Variants in PALB2 observed in about 807,000 individuals in gnomAD.
PALB2 encodes partner and localizer of BRCA2.
A neutral mutation model predicts 107.4 loss-of-function variants in PALB2; 82 were observed. The ratio of observed to expected loss-of-function variants is 0.76; its 90% CI spans 0.64 to 0.92. The LOEUF is 0.92. Among genes scored for constraint, PALB2 ranks in the 40% least tolerant of loss-of-function variants. The pLI is 0.00. For synonymous variants in PALB2, 489 were observed against 496.8 expected (o/e 0.98, Z 0.21); for missense variants, 1,374 against 1,379.9 (o/e 1.00, Z 0.07).
intron 3 of PALB2, among the ~76,000 whole-genome samples, chr16:23,636,597 T>C (rs563572528): frequency 1.4e-4 from 22 of 152,162 alleles, no homozygotes; most frequent in Non-Finnish European, 2.9e-4. Flanking sequence ...AAAGGAACTG[T>C]ACATACTCCA....
Position 23,607,994 on chromosome 16 carries a change from G to C in PALB2, c.3220C>G (p.Leu1074Val), listed in dbSNP as rs1057523330. The change falls in exon 12 of 13, where the codon CTG becomes GTG. Residue 1074 changes from leucine to valine, a missense_variant. Transcript: ENST00000261584. Reference sequence around the variant, plus strand: ...CTCTCTTTGGCACAGGGATGACTCAGGACAATAAAGAGAAGCCCCTAATTT... The same window carrying C: ...CTCTCTTTGGCACAGGGATGACTCACGACAATAAAGAGAAGCCCCTAATTT... ...YSEMGLLFIV[L>V]SHPCAKESES... 6.2e-7 allele frequency: 1 copy of C among 1,613,858 alleles called. No individual in the cohort carries two copies. The highest frequency in any genetic ancestry group is 8.5e-7 in the Non-Finnish European group (1 of 1,179,878).
rs1555461797 is a variant in PALB2 at position 23,636,114 on chromosome 16, T to C, written c.432A>G (p.Pro144=). 1.9e-6 allele frequency: 3 copies of C among 1,613,726 alleles called. No individual in the cohort carries two copies. Among genetic ancestry groups the C allele is most frequent in the Non-Finnish European group, 2.5e-6 (3 of 1,179,898 alleles). ...TCTTCTGCTGCTTCTTTCTTCTGCT[T>C]GGCAGCTTCTGCTTTTGCTCACCAC... The part of the protein sequence containing the change: ...DPSGEQKQKL[P]SRRKKQQKRT... Residue 144 remains proline (P), a synonymous_variant, in exon 4 of 13, where the codon CCA becomes CCG. Transcript: ENST00000261584.
At chr16:23,630,948 C>CAATA (rs757329922) in intron 4 of PALB2, among the ~76,000 whole-genome samples, 3 of 150,230 alleles carry the variant, frequency 2.0e-5, no homozygotes, top group Non-Finnish European at 4.4e-5. Flanking sequence ...TCTTTAAAAA[C>CAATA]AATAAATAAA....
rs1251150895 is a variant in PALB2, at chr16:23,636,187, C to T, written c.359G>A (p.Arg120Lys). The change falls in exon 4 of 13, where the codon AGA (arginine) becomes AAA (lysine). Residue 120 changes from arginine to lysine, a missense_variant. Coordinates refer to ENST00000261584, the MANE Select transcript of PALB2 (RefSeq NM_024675.4). The part of the protein sequence containing the change: ...GDGPGGLPIQ[R>K]TDDTQEHFPH... ...AAAATGTTCTTGGGTGTCATCTGTT[C>T]TTTGTATAGGTAATCCTCCTGGGCC... The T allele has an allele frequency of 6.2e-7, 1 of 1,612,932 alleles. No individual in the cohort carries two copies. The highest frequency in any genetic ancestry group is 8.5e-7 in the Non-Finnish European group (1 of 1,179,802).
intron 4 of PALB2, among the ~76,000 whole-genome samples, chr16:23,631,109 C>CA (rs58841030): frequency 0.045 from 2,650 of 58,434 alleles, 42 homozygotes; most frequent in Non-Finnish European, 0.064. Context: ...ACTAAAAATA[C>CA]AAAAAAAAAA....
At chr16:23,620,905 T>G (rs1393249774) in intron 10 of PALB2, among the ~76,000 whole-genome samples, 2 of 152,124 alleles carry the variant, frequency 1.3e-5, no homozygotes, top group African/African-American at 4.8e-5. Context: ...AAATCCCTTC[T>G]CTACTAAAAA....
chr16:23,622,827 A>AT, intron 9 of PALB2, 142 bp downstream of exon 9: 1 of 924,952 alleles, frequency 1.1e-6, no homozygotes, highest in South Asian at 1.4e-5. Context: ...CTTCTATGTC[A>AT]TAACCTAGTG....
chr16:23,638,387 C>T (rs1257200018), intron 1 of PALB2: 2 of 545,190 alleles, frequency 3.7e-6, no homozygotes, highest in Non-Finnish European at 3.3e-6. Context: ...TTTTTATTTC[C>T]CTGGGATAGA....
rs1967212969 is a variant in PALB2, at chr16:23,640,807, G to A, written c.48+303C>T. The A allele has an allele frequency of 8.5e-6, 3 of 351,218 alleles. No individual in the cohort carries two copies. The Admixed American group carries it at 1.3e-4, about 16-fold the overall frequency. 21.8% of individuals were successfully genotyped at this position (351,218 alleles called of 1,614,324 possible). ...AAGATTTACTTGAGGCCGTCCGGGG[G>A]GAGAAGTAAAGATTGAGGGTGTGGG... is the stretch of plus-strand genomic sequence containing the variant. On this transcript the variant is annotated intron_variant, in intron 1 of 12. Coordinates refer to ENST00000261584, the MANE Select transcript of PALB2 (RefSeq NM_024675.4).
intron 7 of PALB2, among the ~76,000 whole-genome samples, chr16:23,625,646 A>G (rs191391753): frequency 1.3e-5 from 2 of 151,808 alleles, no homozygotes; most frequent in African/African-American, 4.8e-5. Context: ...AATACAAAAA[A>G]ATTAGCCAGG....
chr16:23,605,142 C>A (rs117016437), intron 12 of PALB2, among the ~76,000 whole-genome samples: 3,863 of 152,234 alleles, frequency 0.025, 71 homozygotes, highest in Middle Eastern at 0.088. Context: ...GCCAGCTCTC[C>A]AAAGAGTATT....
At position 23,625,369 on chromosome 16, in the gene PALB2, A is replaced by T. The variant is rs1363962701; in HGVS notation, c.2748+867T>A. On this transcript the variant is annotated intron_variant, in intron 7 of 12. Coordinates refer to ENST00000261584, the MANE Select transcript of PALB2 (RefSeq NM_024675.4). ...AAACAAACAAAAAACCCATATCTAGATAAACCTGTGATGGGCTGGGCATGG... is the reference window on the plus strand; with the variant it reads ...AAACAAACAAAAAACCCATATCTAGTTAAACCTGTGATGGGCTGGGCATGG... Among the ~76,000 whole-genome samples the T allele has an allele frequency of 2.6e-5, 4 of 151,818 alleles. No homozygotes were observed. In the East Asian group the frequency reaches 5.8e-4, roughly 22 times the overall value.
chr16:23,641,281 T>C lies in PALB2; in HGVS notation c.-124A>G. The C allele has an allele frequency of 7.7e-7, 1 of 1,293,572 alleles. No individual in the cohort carries two copies. Among genetic ancestry groups the C allele is most frequent in the Non-Finnish European group, 1.1e-6 (1 of 922,234 alleles). 80.1% of individuals were successfully genotyped at this position (1,293,572 alleles called of 1,614,324 possible). A position where few individuals can be genotyped will look rare whatever the true frequency, so the allele number is the denominator to read the frequency against. On this transcript the variant is annotated 5_prime_UTR_variant, in exon 1 of 13. Transcript: ENST00000261584. Reference sequence around the variant, plus strand: ...GAATGGGGAGCCCGGGATCGCACCCTCAGTGCGCGATCAGCTGACCCACGC... The same window carrying C: ...GAATGGGGAGCCCGGGATCGCACCCCCAGTGCGCGATCAGCTGACCCACGC...
At chr16:23,613,811 A>G (rs532298005) in intron 11 of PALB2, among the ~76,000 whole-genome samples, 193 bp downstream of exon 11, 1 of 152,336 alleles carries the variant, frequency 6.6e-6, no homozygotes, top group Non-Finnish European at 1.5e-5. Flanking sequence ...TCCTACAGCC[A>G]GAAAATTTAC....
intron 10 of PALB2, among the ~76,000 whole-genome samples, 175 bp downstream of exon 10, chr16:23,621,187 G>T (rs927625246): frequency 1.3e-5 from 2 of 152,202 alleles, no homozygotes; most frequent in Non-Finnish European, 2.9e-5. Flanking sequence ...TCCCACCTGG[G>T]TGATAGGAGG....
intron 3 of PALB2, among the ~76,000 whole-genome samples, chr16:23,637,640 G>A: frequency 6.6e-6 from 1 of 152,196 alleles, no homozygotes; most frequent in East Asian, 1.9e-4. Flanking sequence ...GGGAGTTGGA[G>A]GTTGTAGTGA....
In PALB2 at chr16:23,603,659, C is replaced by T. The variant is rs1597062387; in HGVS notation, c.3361G>A (p.Gly1121Ser). The stretch of plus-strand genomic sequence containing the variant: ...GCTGCACAGTGATCTTTCACGTCAC[C>T]TTCCAGGAACCTGATAGCATACAAA... ...PPGQAGRFLEGDVKDHCAAAI... is the reference protein window; with the variant it reads ...PPGQAGRFLESDVKDHCAAAI... Residue 1121 changes from glycine (G) to serine (S), a missense_variant, in exon 13 of 13, where the codon GGT (glycine) becomes AGT (serine). Physicochemically the swap from Gly to Ser is moderately conservative, Grantham distance 56 (BLOSUM62 0). Transcript: ENST00000261584. 6.2e-7 allele frequency: 1 copy of T among 1,613,762 alleles called. No homozygotes were observed. The highest frequency in any genetic ancestry group is 1.1e-5 in the South Asian group (1 of 91,058).
chr16:23,604,875 A>G (rs1306992282), intron 12 of PALB2, among the ~76,000 whole-genome samples: 1 of 152,006 alleles, frequency 6.6e-6, no homozygotes, highest in African/African-American at 2.4e-5. Flanking sequence ...GGAGTTCACG[A>G]CTAGCCTGGC....
chr16:23,632,722 A>C (rs537712556), intron 4 of PALB2, among the ~76,000 whole-genome samples: 3 of 152,326 alleles, frequency 2.0e-5, no homozygotes, highest in African/African-American at 7.2e-5. Context: ...TAAAATGGTT[A>C]ATTTTGTTAC....
Sources: gnomAD v4.1 joint callset for allele counts (sites outside exome capture counted in the v4.1 genomes callset) on GRCh38, gnomAD v4.1.1 for gene constraint, MANE v1.5 for transcripts, NCBI Gene and HGNC (gene_info 2026-07-23, HGNC 2026-07-21) for gene names.